The following REDIC1 variants were observed in gnomAD, a reference collection of about 807,000 sequenced individuals.
REDIC1 encodes the protein regulator of DNA class I crossover intermediates 1, also known as HEI10 Interacting Protein 1.
At chr12:39,804,034 T>C in the REDIC1 span, among the ~76,000 whole-genome samples, 1 of 151,792 alleles carries the variant, frequency 6.6e-6, no homozygotes, top group Admixed American at 6.6e-5. Context: ...TTAAAAAAAA[T>C]TTGACAAGAA....
the REDIC1 span, among the ~76,000 whole-genome samples, chr12:39,810,745 C>G: frequency 3.9e-5 from 6 of 152,032 alleles, no homozygotes; most frequent in African/African-American, 1.4e-4. Flanking sequence ...TGATTTTTCT[C>G]TTTTCTTCTC....
the REDIC1 span, among the ~76,000 whole-genome samples, chr12:39,748,395 T>C: frequency 6.6e-6 from 1 of 152,152 alleles, no homozygotes; most frequent in Non-Finnish European, 1.5e-5. Context: ...ATGCACCCAA[T>C]ACAGGAGCAC....
At chr12:39,699,041 T>C in the REDIC1 span, among the ~76,000 whole-genome samples, 1 of 152,052 alleles carries the variant, frequency 6.6e-6, no homozygotes, top group Admixed American at 6.5e-5. Context: ...AAAGTATCAA[T>C]GAAAAAAAGT....
the REDIC1 span, among the ~76,000 whole-genome samples, chr12:39,814,067 G>T: frequency 6.6e-6 from 1 of 152,128 alleles, no homozygotes. Context: ...GAGGAAAACT[G>T]CTCTGAATAT....
At chr12:39,899,563 T>C in the REDIC1 span, among the ~76,000 whole-genome samples, 36 of 152,172 alleles carry the variant, frequency 2.4e-4, no homozygotes, top group Non-Finnish European at 3.7e-4. Flanking sequence ...GTTCTTTCAA[T>C]TGTGATGTTA....
chr12:39,881,002 A>G, the REDIC1 span, among the ~76,000 whole-genome samples: 1 of 152,250 alleles, frequency 6.6e-6, no homozygotes, highest in Non-Finnish European at 1.5e-5. Context: ...TGTATGTATA[A>G]CAGGTTACAT....
the REDIC1 span, among the ~76,000 whole-genome samples, chr12:39,673,837 G>T: frequency 3.9e-5 from 6 of 152,106 alleles, no homozygotes; most frequent in Admixed American, 2.0e-4. Flanking sequence ...TTTGTTAGTG[G>T]TTCATTGTCT....
the REDIC1 span, among the ~76,000 whole-genome samples, chr12:39,719,591 G>C: frequency 6.6e-6 from 1 of 151,902 alleles, no homozygotes; most frequent in African/African-American, 2.4e-5. Flanking sequence ...TCCAACCCAG[G>C]CAATGGAGTG....
At chr12:39,713,449 T>C in the REDIC1 span, among the ~76,000 whole-genome samples, 7 of 148,294 alleles carry the variant, frequency 4.7e-5, no homozygotes, top group Non-Finnish European at 9.1e-5. Context: ...TATACATATG[T>C]ATACATACAT....
chr12:39,694,448 G>A, the REDIC1 span, among the ~76,000 whole-genome samples: 2 of 152,112 alleles, frequency 1.3e-5, no homozygotes, highest in South Asian at 4.1e-4. Flanking sequence ...GGGACAGTCA[G>A]TGCAGCAGTT....
the REDIC1 span, among the ~76,000 whole-genome samples, chr12:39,700,126 C>T: frequency 6.6e-6 from 1 of 152,104 alleles, no homozygotes; most frequent in South Asian, 2.1e-4. Flanking sequence ...AGGCTTCAGA[C>T]AATCAAATTA....
the REDIC1 span, among the ~76,000 whole-genome samples, chr12:39,874,857 T>C: frequency 6.6e-6 from 1 of 152,150 alleles, no homozygotes; most frequent in South Asian, 2.1e-4. Context: ...TAAAGGTATA[T>C]TGTTCTGAAG....
the REDIC1 span, among the ~76,000 whole-genome samples, chr12:39,668,750 A>AT: frequency 1.9e-4 from 29 of 150,518 alleles, no homozygotes; most frequent in Middle Eastern, 3.4e-3. Flanking sequence ...GGCTTTGTTC[A>AT]TTTTTTTTTG....
the REDIC1 span, among the ~76,000 whole-genome samples, chr12:39,638,922 C>A: frequency 6.6e-6 from 1 of 151,986 alleles, no homozygotes; most frequent in Admixed American, 6.6e-5. Flanking sequence ...TCACACAATG[C>A]ATACATATAT....
At chr12:39,702,312 C>T in the REDIC1 span, among the ~76,000 whole-genome samples, 1 of 152,038 alleles carries the variant, frequency 6.6e-6, no homozygotes, top group Non-Finnish European at 1.5e-5. Context: ...ACACCTCTAC[C>T]CAAGTAAACT....
At chr12:39,712,599 A>ATATATGTATATATAGATATGTG in the REDIC1 span, among the ~76,000 whole-genome samples, 2 of 144,008 alleles carry the variant, frequency 1.4e-5, no homozygotes, top group Non-Finnish European at 3.1e-5. Flanking sequence ...ACGTATATAC[A>ATATATGTATATATAGATATGTG]TATATATGTA....
chr12:39,778,660 A>G, the REDIC1 span, among the ~76,000 whole-genome samples: 14 of 152,084 alleles, frequency 9.2e-5, no homozygotes, highest in Non-Finnish European at 1.9e-4. Context: ...AGTAAAATAG[A>G]CTCTATTGAA....
chr12:39,676,928 T>C, the REDIC1 span, among the ~76,000 whole-genome samples: 1 of 151,502 alleles, frequency 6.6e-6, no homozygotes, highest in South Asian at 2.1e-4. Flanking sequence ...AAGCCAGCAC[T>C]ACAAGAAATG....
chr12:39,829,405 T>TTTTTTTTTTTTTTG, the REDIC1 span: 1 of 106,232 alleles, frequency 9.4e-6, no homozygotes, highest in African/African-American at 3.8e-5. Context: ...TTTTTTTTTT[T>TTTTTTTTTTTTTTG]TTTTTTTTTT....
Sources: gnomAD v4.1 joint callset for allele counts (sites outside exome capture counted in the v4.1 genomes callset) on GRCh38, gnomAD v4.1.1 for gene constraint, MANE v1.5 for transcripts, NCBI Gene and HGNC (gene_info 2026-07-23, HGNC 2026-07-21) for gene names.